Variants in MTO1 observed in about 807,000 individuals in gnomAD.
The protein encoded by MTO1 is 5-taurinomethyluridine-[tRNA] synthase subunit MTO1, mitochondrial.
MTO1 carries 46 observed loss-of-function variants against 71.6 expected under a neutral mutation model. The ratio of observed to expected loss-of-function variants is 0.64; its 90% CI spans 0.51 to 0.82. The LOEUF is 0.82. Ranked by LOEUF, MTO1 falls within the 40% of genes least tolerant of loss-of-function variation. The pLI is 0.00. For missense variants in MTO1, 773 were observed against 867.5 expected, an observed-to-expected ratio of 0.89 and a Z score of 1.37; for synonymous variants, 297 against 312.1, an observed-to-expected ratio of 0.95 and a Z score of 0.51.
At chr6:73,463,802 G>A (rs557410023) in intron 1 of MTO1, among the ~76,000 whole-genome samples, 33 of 152,030 alleles carry the variant, frequency 2.2e-4, no homozygotes, top group African/African-American at 7.5e-4. Context: ...ATGCAGTGGC[G>A]CGATCTTGGC....
chr6:73,488,196 CAG>C (rs1414652375), intron 9 of MTO1, among the ~76,000 whole-genome samples: 5 of 152,030 alleles, frequency 3.3e-5, no homozygotes, highest in Non-Finnish European at 5.9e-5. Context: ...TTTCCAGAGA[CAG>C]GGTCTCCCTC....
At chr6:73,463,278 G>A (rs921093017) in intron 1 of MTO1, among the ~76,000 whole-genome samples, 3 of 151,712 alleles carry the variant, frequency 2.0e-5, no homozygotes, top group African/African-American at 7.3e-5. Flanking sequence ...TGATCCGCCC[G>A]CCTCGGCCTC....
At chr6:73,497,654 A>G in intron 10 of MTO1, 82 bp from the exon 11 acceptor site, 1 of 1,413,540 alleles carries the variant, frequency 7.1e-7, no homozygotes, top group East Asian at 2.3e-5. Flanking sequence ...GCTTTTTGTA[A>G]ATTGTAAGAG....
At chr6:73,500,084 C>T (rs1048790863) in intron 11 of MTO1, among the ~76,000 whole-genome samples, 1 of 152,152 alleles carries the variant, frequency 6.6e-6, no homozygotes. Context: ...ACTGCATTCT[C>T]GACCTCCCAG....
At chr6:73,488,643 C>T (rs1037601058) in intron 9 of MTO1, among the ~76,000 whole-genome samples, 1 of 151,846 alleles carries the variant, frequency 6.6e-6, no homozygotes, top group Non-Finnish European at 1.5e-5. Context: ...GGCATGGTAG[C>T]TTGTGCCTGT....
chr6:73,494,044 C>A (rs1771914194), intron 10 of MTO1, among the ~76,000 whole-genome samples: 2 of 151,836 alleles, frequency 1.3e-5, no homozygotes, highest in African/African-American at 4.8e-5. Flanking sequence ...ACCAGCCTGG[C>A]CAACATGGTG....
chr6:73,479,198 T>A (rs528261708), intron 4 of MTO1, among the ~76,000 whole-genome samples: 376 of 151,070 alleles, frequency 2.5e-3, no homozygotes, highest in Non-Finnish European at 2.4e-3. Context: ...ATAACTTTTT[T>A]AAAAAAGTAA....
chr6:73,462,247 C>G, intron 1 of MTO1, 176 bp downstream of exon 1: 1 of 650,666 alleles, frequency 1.5e-6, no homozygotes, highest in Non-Finnish European at 2.6e-6. Flanking sequence ...GGCCAGAACT[C>G]TATATTAGTC....
chr6:73,463,715 C>G (rs1448938087), intron 1 of MTO1, among the ~76,000 whole-genome samples: 1 of 151,984 alleles, frequency 6.6e-6, no homozygotes, highest in Non-Finnish European at 1.5e-5. Flanking sequence ...CTTTTCTCAT[C>G]ATACATTCAG....
intron 11 of MTO1, among the ~76,000 whole-genome samples, chr6:73,499,747 C>G (rs1380055291): frequency 6.6e-6 from 1 of 152,122 alleles, no homozygotes; most frequent in East Asian, 1.9e-4. Flanking sequence ...TTCTATAATA[C>G]AAAAGGCTCT....
At position 73,502,229 on chromosome 6, in the gene MTO1, A is replaced by G. The variant is rs1239189885; in HGVS notation, c.*1494A>G. ...GAGGCTGAGGCGGGTGGATAACCTG[A>G]AGTCAGGAGTTCAAGACCAGCCTGG... On this transcript the variant is annotated 3_prime_UTR_variant, in exon 12 of 12. Coordinates refer to ENST00000498286, the MANE Select transcript of MTO1 (RefSeq NM_012123.4). 1 of 151,038 alleles carries G rather than the reference A, an allele frequency of 6.6e-6. No homozygotes were observed. The highest frequency in any genetic ancestry group is 2.4e-5 in the African/African-American group (1 of 41,004). The allele number at this position is 151,038 out of a possible 1,614,324, so 9.4% of individuals were successfully genotyped here.
At chr6:73,468,706 C>T (rs960124411) in intron 3 of MTO1, among the ~76,000 whole-genome samples, 4 of 151,734 alleles carry the variant, frequency 2.6e-5, no homozygotes, top group Non-Finnish European at 4.4e-5. Flanking sequence ...CTCCCAGGTT[C>T]AAGCAATTCT....
At chr6:73,477,470 A>G (rs1771358974) in intron 4 of MTO1, among the ~76,000 whole-genome samples, 1 of 148,700 alleles carries the variant, frequency 6.7e-6, no homozygotes, top group African/African-American at 2.5e-5. Context: ...TAAAGTCCGT[A>G]GTCACATTTT....
At chr6:73,476,206 T>TAAAAAAAAAATAAA (rs1771313243) in intron 4 of MTO1, among the ~76,000 whole-genome samples, 1 of 143,256 alleles carries the variant, frequency 7.0e-6, no homozygotes, top group East Asian at 2.0e-4. Context: ...CTACTAAAAA[T>TAAAAAAAAAATAAA]AAAAAAAAAA....
intron 10 of MTO1, among the ~76,000 whole-genome samples, chr6:73,494,481 T>C (rs1449897766): frequency 2.1e-5 from 2 of 96,470 alleles, no homozygotes; most frequent in Non-Finnish European, 4.5e-5. Context: ...TTTTTTTTCT[T>C]TTTTTTTTTT....
At position 73,506,554 on chromosome 6, in the gene MTO1, C is replaced by G. The variant is rs1420787606; in HGVS notation, c.*5819C>G. The G allele has an allele frequency of 2.6e-5, 4 of 154,496 alleles. No individual in the cohort carries two copies. The highest frequency in any genetic ancestry group is 5.7e-5 in the Non-Finnish European group (4 of 70,024). The allele number at this position is 154,496 out of a possible 1,614,324, so 9.6% of individuals were successfully genotyped here. A position where few individuals can be genotyped will look rare whatever the true frequency, so the allele number is the denominator to read the frequency against. ...GTGCCTTTCGCCTCCCGCCAAGATT[C>G]TGAGGCTTCCTCAGCCATGTGGAAC... On this transcript the variant is annotated 3_prime_UTR_variant, in exon 12 of 12. Coordinates refer to ENST00000498286, the MANE Select transcript of MTO1 (RefSeq NM_012123.4).
In MTO1 at chr6:73,461,820, G is replaced by A; in HGVS notation, c.-35G>A. The stretch of plus-strand genomic sequence containing the variant: ...GTAAGTTTTTTTGACCGTCACTCGT[G>A]TCAGCTTCAAAGTCAGATAGATTTT... On this transcript the variant is annotated 5_prime_UTR_variant, in exon 1 of 12. Coordinates refer to ENST00000498286, the MANE Select transcript of MTO1 (RefSeq NM_012123.4). 1 of 1,597,434 alleles carries A rather than the reference G, an allele frequency of 6.3e-7. No individual in the cohort carries two copies. The highest frequency in any genetic ancestry group is 8.6e-7 in the Non-Finnish European group (1 of 1,166,470).
chr6:73,462,654 G>A (rs149128104), intron 1 of MTO1, among the ~76,000 whole-genome samples: 5,142 of 152,116 alleles, frequency 0.034, 300 homozygotes, highest in Admixed American at 0.15. Flanking sequence ...GCTTGAACCC[G>A]GGGGCAGAGG....
At chr6:73,486,705 C>G (rs1432959771) in intron 9 of MTO1, 1 of 319,012 alleles carries the variant, frequency 3.1e-6, no homozygotes, top group Non-Finnish European at 6.4e-6. Flanking sequence ...GCCATTGCAC[C>G]CAAACCTGAG....
Sources: gnomAD v4.1 joint callset for allele counts (sites outside exome capture counted in the v4.1 genomes callset) on GRCh38, gnomAD v4.1.1 for gene constraint, MANE v1.5 for transcripts, NCBI Gene and HGNC (gene_info 2026-07-23, HGNC 2026-07-21) for gene names.